Variants in SSH1 observed in about 807,000 individuals in gnomAD.
The protein encoded by SSH1 is protein phosphatase Slingshot homolog 1.
A neutral mutation model predicts 79.7 loss-of-function variants in SSH1; 43 were observed. The ratio of observed to expected loss-of-function variants is 0.54; its 90% CI spans 0.42 to 0.70. The LOEUF (loss-of-function observed/expected upper bound fraction) is 0.70, where lower values mean the gene tolerates loss of function less well. Among genes scored for constraint, SSH1 ranks in the 30% least tolerant of loss-of-function variants. The pLI is 0.00. For missense variants in SSH1, 1,206 were observed against 1,358.8 expected (o/e 0.89, Z 1.77); for synonymous variants, 599 against 538.3 (o/e 1.11, Z -1.56).
chr12:108,823,479 G>T, intron 2 of SSH1, 118 bp from the exon 3 acceptor site: 1 of 794,272 alleles, frequency 1.3e-6, no homozygotes, highest in East Asian at 2.7e-5. Flanking sequence ...ATGCAAATAG[G>T]ATGAAACTGC....
At chr12:108,831,977 C>T (rs1457632472) in intron 2 of SSH1, among the ~76,000 whole-genome samples, 1 of 152,134 alleles carries the variant, frequency 6.6e-6, no homozygotes, top group Non-Finnish European at 1.5e-5. Flanking sequence ...CACCTGAATG[C>T]CTGGTATACT....
intron 2 of SSH1, among the ~76,000 whole-genome samples, chr12:108,831,357 C>T (rs1268731269): frequency 6.6e-6 from 1 of 152,204 alleles, no homozygotes; most frequent in East Asian, 1.9e-4. Context: ...TGCCAACGAG[C>T]ATTCCAAAAA....
intron 3 of SSH1, among the ~76,000 whole-genome samples, chr12:108,818,625 A>T (rs117480886): frequency 0.043 from 6,587 of 152,300 alleles, 195 homozygotes; most frequent in Non-Finnish European, 0.068. Context: ...CTAGAGAAAA[A>T]TGTTATTTCA....
At chr12:108,828,329 G>A (rs965532065) in intron 2 of SSH1, among the ~76,000 whole-genome samples, 4 of 152,110 alleles carry the variant, frequency 2.6e-5, no homozygotes, top group African/African-American at 7.2e-5. Flanking sequence ...ACCCCAGCTT[G>A]CCTAGGAGCA....
chr12:108,841,746 T>C (rs1381658685), intron 2 of SSH1, among the ~76,000 whole-genome samples: 1 of 151,462 alleles, frequency 6.6e-6, no homozygotes, highest in African/African-American at 2.4e-5. Flanking sequence ...GAGGCAGAGG[T>C]TGCAGTGAGC....
At chr12:108,840,929 G>A (rs983202479) in intron 2 of SSH1, among the ~76,000 whole-genome samples, 1 of 152,200 alleles carries the variant, frequency 6.6e-6, no homozygotes, top group African/African-American at 2.4e-5. Flanking sequence ...ATAAGCGCAT[G>A]ACCTTGCTCT....
intron 2 of SSH1, among the ~76,000 whole-genome samples, chr12:108,839,553 G>A (rs906938419): frequency 1.1e-4 from 17 of 152,196 alleles, no homozygotes; most frequent in African/African-American, 4.1e-4. Context: ...GCAAGTGCGT[G>A]CCAGGCCTGG....
In SSH1 at chr12:108,779,633, G is replaced by C. The variant is rs1192759382; in HGVS notation, c.*8355C>G. The C allele has an allele frequency of 6.6e-6, 1 of 152,092 alleles. No homozygotes were observed. Among genetic ancestry groups the C allele is most frequent in the Non-Finnish European group, 1.5e-5 (1 of 68,012 alleles). 9.4% of individuals were successfully genotyped at this position (152,092 alleles called of 1,614,324 possible). A position where few individuals can be genotyped will look rare whatever the true frequency, so the allele number is the denominator to read the frequency against. On this transcript the variant is annotated 3_prime_UTR_variant, in exon 15 of 15. Transcript: ENST00000326495. ...GAAGGATCCCAAGGTAGTCCAAAGA[G>C]TTCAAGAAAGTTAGAAAAAGGACTC...
Position 108,792,561 on chromosome 12 carries a change from G to A in SSH1, c.1618C>T (p.Leu540=). Residue 540 remains leucine (L), a synonymous_variant, in exon 14 of 15, where the codon CTG becomes TTG. Coordinates refer to ENST00000326495, the MANE Select transcript of SSH1 (RefSeq NM_018984.4). ...VHLEDPEREA[L]LEEAAPPAEV... ...GCAGGTGGAGCAGCTTCCTCCAACA[G>A]AGCCTCCCTCTCCGGATCCTCCAGG... 2.5e-6 allele frequency: 4 copies of A among 1,614,026 alleles called. No homozygotes were observed. Among genetic ancestry groups the A allele is most frequent in the Non-Finnish European group, 2.5e-6 (3 of 1,179,960 alleles).
intron 5 of SSH1, among the ~76,000 whole-genome samples, chr12:108,816,615 C>T (rs972887524): frequency 2.0e-5 from 3 of 152,132 alleles, no homozygotes; most frequent in East Asian, 1.9e-4. Flanking sequence ...GTGTCTGAGG[C>T]GAGGCCCACC....
intron 2 of SSH1, among the ~76,000 whole-genome samples, chr12:108,846,070 G>T (rs1487264603): frequency 2.0e-5 from 3 of 152,154 alleles, no homozygotes; most frequent in Non-Finnish European, 4.4e-5. Context: ...GGGAGAATGG[G>T]GTCCCTGGGG....
At chr12:108,820,880 G>A (rs1169895083) in intron 3 of SSH1, among the ~76,000 whole-genome samples, 6 of 152,186 alleles carry the variant, frequency 3.9e-5, no homozygotes, top group African/African-American at 7.2e-5. Flanking sequence ...TCTGCCTTCC[G>A]ACCTCATCGT....
At position 108,783,969 on chromosome 12, in the gene SSH1, C is replaced by G. The variant is rs1225706239; in HGVS notation, c.*4019G>C. Reference sequence around the variant, plus strand: ...CTCTTGCCAGAGGTGAAGGGGGTCCCCTCGCTGAGTTGCGTGTTTAGAGGA... The same window carrying G: ...CTCTTGCCAGAGGTGAAGGGGGTCCGCTCGCTGAGTTGCGTGTTTAGAGGA... On this transcript the variant is annotated 3_prime_UTR_variant, in exon 15 of 15. Transcript: ENST00000326495. 6.6e-6 allele frequency: 1 copy of G among 152,204 alleles called. No individual in the cohort carries two copies. Among genetic ancestry groups the G allele is most frequent in the Non-Finnish European group, 1.5e-5 (1 of 68,062 alleles). The allele number at this position is 152,204 out of a possible 1,614,324, so 9.4% of individuals were successfully genotyped here.
At chr12:108,810,025 G>A (rs2037497752) in intron 6 of SSH1, among the ~76,000 whole-genome samples, 1 of 152,128 alleles carries the variant, frequency 6.6e-6, no homozygotes, top group South Asian at 2.1e-4. Context: ...GGTGCCAGGT[G>A]AAGGCCTCCG....
intron 2 of SSH1, among the ~76,000 whole-genome samples, chr12:108,836,642 C>T (rs1258262792): frequency 6.6e-6 from 1 of 152,098 alleles, no homozygotes; most frequent in Non-Finnish European, 1.5e-5. Context: ...TGATGGCAGA[C>T]AGGATATTAA....
At position 108,807,486 on chromosome 12, in the gene SSH1, C is replaced by A; in HGVS notation, c.731+147G>T. 1 of 685,658 alleles carries A rather than the reference C, an allele frequency of 1.5e-6. No homozygotes were observed. The highest frequency in any genetic ancestry group is 2.5e-6 in the Non-Finnish European group (1 of 398,348). 42.5% of individuals were successfully genotyped at this position (685,658 alleles called of 1,614,324 possible). On this transcript the variant is annotated intron_variant, in intron 8 of 14. Transcript: ENST00000326495. The surrounding 1 kb of genome is among the most constrained non-coding windows in gnomAD (Gnocchi z 5.2). The stretch of plus-strand genomic sequence containing the variant: ...GTGTCACAGACCCCTGCTTTAAACG[C>A]TGGTTCTGAGAAAGCTAGGGTTCTC...
At chr12:108,810,280 G>A (rs1390585046) in intron 6 of SSH1, among the ~76,000 whole-genome samples, 1 of 152,006 alleles carries the variant, frequency 6.6e-6, no homozygotes, top group Non-Finnish European at 1.5e-5. Flanking sequence ...CCAGCACTTT[G>A]GGAGGCCGAG....
At position 108,780,855 on chromosome 12, in the gene SSH1, A is replaced by T. The variant is rs548660473; in HGVS notation, c.*7133T>A. 60 of 152,286 alleles carry T rather than the reference A, an allele frequency of 3.9e-4. No homozygotes were observed. Among genetic ancestry groups the T allele is most frequent in the African/African-American group, 1.4e-3 (58 of 41,548 alleles). The allele number at this position is 152,286 out of a possible 1,614,324, so 9.4% of individuals were successfully genotyped here. A position where few individuals can be genotyped will look rare whatever the true frequency, so the allele number is the denominator to read the frequency against. ...GGAGTTTGAGAACAGCCTGACCAAC[A>T]TGGAGAAACCCCATTTCGATTAAAA... On this transcript the variant is annotated 3_prime_UTR_variant, in exon 15 of 15. Transcript: ENST00000326495.
At chr12:108,856,401 GGC>G (rs1305089451) in intron 1 of SSH1, among the ~76,000 whole-genome samples, 2 of 152,134 alleles carry the variant, frequency 1.3e-5, no homozygotes, top group Non-Finnish European at 2.9e-5. Context: ...AACGGACCTG[GGC>G]CACACACAGA....
Sources: gnomAD v4.1 joint callset for allele counts (sites outside exome capture counted in the v4.1 genomes callset) on GRCh38, gnomAD v4.1.1 for gene constraint, Gnocchi (gnomAD v3.1) non-coding constraint, MANE v1.5 for transcripts, NCBI Gene and HGNC (gene_info 2026-07-23, HGNC 2026-07-21) for gene names.